Variants in ZBTB44 observed in about 807,000 individuals in gnomAD.
ZBTB44 encodes the protein zinc finger and BTB domain containing 44.
Under a neutral mutation model 54.0 loss-of-function variants are expected in ZBTB44, and 15 were observed. The ratio of observed to expected loss-of-function variants is 0.28; its 90% CI spans 0.19 to 0.43. The LOEUF (loss-of-function observed/expected upper bound fraction) is 0.43. ZBTB44 is among the 20% of genes least tolerant of loss of function. The pLI, the probability that ZBTB44 is intolerant of heterozygous loss-of-function variation, is 1.00. For synonymous variants in ZBTB44, 230 were observed against 250.1 expected, an observed-to-expected ratio of 0.92 and a Z score of 0.76; for missense variants, 487 against 707.1, an observed-to-expected ratio of 0.69 and a Z score of 3.53.
At chr11:130,287,965 CAAAA>C (rs535420591) in intron 1 of ZBTB44, among the ~76,000 whole-genome samples, 4 of 86,452 alleles carry the variant, frequency 4.6e-5, no homozygotes, top group South Asian at 3.5e-4. Flanking sequence ...TTTTCTCAGA[CAAAA>C]AAAAAAAAAA....
At chr11:130,243,557 C>T (rs898453357) in intron 2 of ZBTB44, among the ~76,000 whole-genome samples, 18 of 152,204 alleles carry the variant, frequency 1.2e-4, no homozygotes, top group African/African-American at 4.1e-4. Context: ...ATTGCCAAGG[C>T]AGGTTTTTCT....
intron 1 of ZBTB44, among the ~76,000 whole-genome samples, chr11:130,309,500 A>C (rs1376484455): frequency 2.6e-5 from 4 of 152,226 alleles, no homozygotes; most frequent in African/African-American, 4.8e-5. Flanking sequence ...GGTCCAACCC[A>C]AACAAAATGT....
intron 1 of ZBTB44, among the ~76,000 whole-genome samples, chr11:130,280,186 T>C (rs1337841453): frequency 6.6e-6 from 1 of 152,038 alleles, no homozygotes; most frequent in Non-Finnish European, 1.5e-5. Context: ...TAAAGTGCAT[T>C]TGCAATTATA....
intron 1 of ZBTB44, among the ~76,000 whole-genome samples, chr11:130,275,299 T>C (rs1939974276): frequency 2.0e-5 from 3 of 152,198 alleles, no homozygotes; most frequent in African/African-American, 7.2e-5. Context: ...GTGTTTGTAA[T>C]GTCGTATCTT....
intron 1 of ZBTB44, among the ~76,000 whole-genome samples, chr11:130,302,900 G>A (rs150124940): frequency 0.012 from 1,836 of 152,178 alleles, 16 homozygotes; most frequent in Middle Eastern, 0.02. Context: ...TCTTGAACCT[G>A]GAAAGTGCAG....
intron 2 of ZBTB44, among the ~76,000 whole-genome samples, chr11:130,256,627 C>G (rs748446936): frequency 1.7e-4 from 26 of 149,596 alleles, no homozygotes; most frequent in Non-Finnish European, 3.5e-4. Flanking sequence ...TGCACTCCAG[C>G]CTGGTGACAG....
intron 1 of ZBTB44, among the ~76,000 whole-genome samples, chr11:130,313,966 A>ATATTTT (rs1160244728): frequency 1.7e-5 from 2 of 116,134 alleles, no homozygotes; most frequent in African/African-American, 2.8e-5. Flanking sequence ...ATATATATAT[A>ATATTTT]TTTTTTTAAA....
At chr11:130,255,434 T>C (rs965917111) in intron 2 of ZBTB44, among the ~76,000 whole-genome samples, 3 of 152,138 alleles carry the variant, frequency 2.0e-5, no homozygotes, top group Non-Finnish European at 4.4e-5. Flanking sequence ...TAGCACTAAA[T>C]GCTCACATCA....
rs58860118 is a variant in ZBTB44 at position 130,281,516 on chromosome 11, AAAATAAATAAATAAATAAATAAAT to A, written c.-56-19611_-56-19588del. Among the ~76,000 whole-genome samples the A allele has an allele frequency of 3.6e-5, 5 of 138,802 alleles. No individual in the cohort carries two copies. The East Asian group carries it at 6.2e-4, about 17-fold the overall frequency. 91.1% of individuals were successfully genotyped at this position (138,802 alleles called of 152,430 possible). On this transcript the variant is annotated intron_variant, in intron 1 of 7. Coordinates refer to ENST00000357899, the MANE Select transcript of ZBTB44 (RefSeq NM_001301098.2). ...GCCTGGGCAACAGAGACCCTGTCTC[AAAATAAATAAATAAATAAATAAAT>A]AAATAAATAAATAAATAAATAAATA...
chr11:130,295,801 T>C (rs574943222), intron 1 of ZBTB44: 1 of 1,426,562 alleles, frequency 7.0e-7, no homozygotes, highest in East Asian at 2.3e-5. Context: ...CAGGAATGCA[T>C]GCGGAGTCCT....
intron 1 of ZBTB44, among the ~76,000 whole-genome samples, chr11:130,295,194 A>G (rs1941565728): frequency 6.6e-6 from 1 of 152,150 alleles, no homozygotes; most frequent in Non-Finnish European, 1.5e-5. Context: ...GAAACTCAAA[A>G]TGCAGATGTG....
chr11:130,285,706 A>T, intron 1 of ZBTB44: 1 of 262,600 alleles, frequency 3.8e-6, no homozygotes, highest in Non-Finnish European at 7.6e-6. Context: ...GTTTGTCCTC[A>T]CCTCTCCAGT....
intron 5 of ZBTB44, chr11:130,236,072 T>C: frequency 1.7e-6 from 2 of 1,204,892 alleles, no homozygotes; most frequent in Non-Finnish European, 1.1e-6. Context: ...CAGTTTTATA[T>C]CTAGAGAAGG....
chr11:130,311,024 C>T (rs1942566409), intron 1 of ZBTB44, among the ~76,000 whole-genome samples: 2 of 152,212 alleles, frequency 1.3e-5, no homozygotes, highest in African/African-American at 4.8e-5. Context: ...GGTAGCATAA[C>T]CAGAGAAAAG....
chr11:130,240,094 T>C (rs1248395123), intron 2 of ZBTB44, among the ~76,000 whole-genome samples, 198 bp from the exon 3 acceptor site: 1 of 146,752 alleles, frequency 6.8e-6, no homozygotes, highest in Non-Finnish European at 1.5e-5. Flanking sequence ...CAGGCTGGAG[T>C]GCGGTGGCGC....
intron 1 of ZBTB44, among the ~76,000 whole-genome samples, chr11:130,309,126 G>C (rs1942440428): frequency 6.6e-6 from 1 of 152,168 alleles, no homozygotes; most frequent in Non-Finnish European, 1.5e-5. Flanking sequence ...CACAGCAGAA[G>C]CATCATCCTG....
At chr11:130,255,989 T>C (rs1774538448) in intron 2 of ZBTB44, among the ~76,000 whole-genome samples, 3 of 150,668 alleles carry the variant, frequency 2.0e-5, no homozygotes, top group African/African-American at 4.9e-5. Context: ...ACCAGACAGA[T>C]TCACCAGACA....
At chr11:130,294,766 C>T (rs927196546) in intron 1 of ZBTB44, among the ~76,000 whole-genome samples, 2 of 152,034 alleles carry the variant, frequency 1.3e-5, no homozygotes, top group East Asian at 1.9e-4. Flanking sequence ...AATCAGAGTA[C>T]TTAAGGGATA....
At chr11:130,273,518 G>A (rs1038682938) in intron 1 of ZBTB44, among the ~76,000 whole-genome samples, 5 of 151,806 alleles carry the variant, frequency 3.3e-5, no homozygotes, top group Non-Finnish European at 7.4e-5. Context: ...TTGACACATT[G>A]CCCAGGCCGG....
Sources: allele counts gnomAD v4.1 joint callset (sites outside exome capture counted in the v4.1 genomes callset), GRCh38; gene constraint gnomAD v4.1.1; transcripts MANE v1.5; gene names NCBI Gene and HGNC (gene_info 2026-07-23, HGNC 2026-07-21).